The following PCDH9 variants were observed in gnomAD, a reference collection of about 807,000 sequenced individuals.
The protein encoded by PCDH9 is protocadherin 9, also known as protocadherin-9.
In PCDH9, 24 loss-of-function variants were observed where a neutral mutation model predicts 70.6. The ratio of observed to expected loss-of-function variants is 0.34; its 90% CI spans 0.25 to 0.48. The LOEUF (loss-of-function observed/expected upper bound fraction) is 0.48. Ranked by LOEUF, PCDH9 falls within the 20% of genes least tolerant of loss-of-function variation. The probability of loss-of-function intolerance (pLI) is 0.99; values close to 1 mark genes in which losing one functional copy is unlikely to be tolerated. For synonymous variants in PCDH9, 562 were observed against 558.5 expected, an observed-to-expected ratio of 1.01 and a Z score of -0.09; for missense variants, 1,281 against 1,503.6, an observed-to-expected ratio of 0.85 and a Z score of 2.45.
chr13:67,225,575 C>A lies in PCDH9; in HGVS notation c.2866G>T (p.Val956Phe). ...PAFHLKPDTP[V>F]SVKKHHVIQE... ...ATCACGTGGTGCTTTTTCACGGAAA[C>A]TGGAGTGTCTGGTTTGAGATGAAAA... is the stretch of plus-strand genomic sequence containing the variant. The change falls in exon 2 of 5, where the codon GTT becomes TTT. Residue 956 changes from valine to phenylalanine, a missense_variant. Coordinates refer to ENST00000377865, the MANE Select transcript of PCDH9 (RefSeq NM_203487.3). 1 of 1,614,132 alleles carries A rather than the reference C, an allele frequency of 6.2e-7. No individual in the cohort carries two copies. The highest frequency in any genetic ancestry group is 1.3e-5 in the African/African-American group (1 of 75,030).
At chr13:67,221,817 T>C (rs2089731451) in intron 2 of PCDH9, 1 of 152,058 alleles carries the variant, frequency 6.6e-6, no homozygotes, top group Admixed American at 6.6e-5. Flanking sequence ...CAGCTGTCAA[T>C]AAGTGGGCTG....
intron 3 of PCDH9, among the ~76,000 whole-genome samples, chr13:66,804,157 A>G (rs1230340073): frequency 6.6e-6 from 1 of 152,154 alleles, no homozygotes; most frequent in African/African-American, 2.4e-5. Context: ...TACACATCTA[A>G]TTCTCTCTTG....
intron 3 of PCDH9, among the ~76,000 whole-genome samples, chr13:66,832,262 TAG>T (rs1360002452): frequency 1.3e-5 from 2 of 152,134 alleles, no homozygotes; most frequent in South Asian, 4.2e-4. Context: ...TGACGTTTTA[TAG>T]AGTTGAATTT....
At chr13:66,887,949 T>A (rs1294258953) in intron 3 of PCDH9, among the ~76,000 whole-genome samples, 1 of 152,192 alleles carries the variant, frequency 6.6e-6, no homozygotes, top group African/African-American at 2.4e-5. Context: ...ATGATAAAGG[T>A]ACATTGTTAT....
intron 4 of PCDH9, among the ~76,000 whole-genome samples, chr13:66,356,195 A>G (rs977668953): frequency 1.2e-4 from 18 of 152,128 alleles, no homozygotes; most frequent in African/African-American, 4.3e-4. Context: ...TTGAAAATAC[A>G]ATATGTTTGA....
At chr13:66,834,147 T>C (rs1250046412) in intron 3 of PCDH9, among the ~76,000 whole-genome samples, 4 of 148,968 alleles carry the variant, frequency 2.7e-5, no homozygotes, top group Non-Finnish European at 5.9e-5. Context: ...TAATTTTATA[T>C]ACCTATGGTC....
intron 4 of PCDH9, among the ~76,000 whole-genome samples, chr13:66,578,479 G>A (rs2138770549): frequency 6.6e-6 from 1 of 152,134 alleles, no homozygotes; most frequent in East Asian, 1.9e-4. Context: ...GGTCCTGGAT[G>A]ATCATTCTAC....
chr13:66,809,309 C>G (rs2080462160), intron 3 of PCDH9, among the ~76,000 whole-genome samples: 1 of 152,036 alleles, frequency 6.6e-6, no homozygotes, highest in Non-Finnish European at 1.5e-5. Flanking sequence ...ACCGTGTATA[C>G]AATATATTGA....
At chr13:66,934,481 C>CA (rs1034518958) in intron 2 of PCDH9, among the ~76,000 whole-genome samples, 6 of 142,436 alleles carry the variant, frequency 4.2e-5, no homozygotes, top group African/African-American at 1.3e-4. Flanking sequence ...CCGGAGGTTG[C>CA]AGTGAGCCAA....
intron 4 of PCDH9, among the ~76,000 whole-genome samples, chr13:66,431,615 T>A (rs1005205981): frequency 2.0e-5 from 3 of 152,020 alleles, no homozygotes; most frequent in Admixed American, 6.6e-5. Flanking sequence ...CAGTATAACA[T>A]GAACATACAT....
At chr13:67,022,264 A>G (rs2084692638) in intron 2 of PCDH9, among the ~76,000 whole-genome samples, 1 of 151,474 alleles carries the variant, frequency 6.6e-6, no homozygotes, top group South Asian at 2.1e-4. Flanking sequence ...CTGCGGTTAC[A>G]GGTATGCACC....
At chr13:66,403,859 T>C (rs778415985) in intron 4 of PCDH9, among the ~76,000 whole-genome samples, 5 of 152,068 alleles carry the variant, frequency 3.3e-5, no homozygotes, top group Non-Finnish European at 5.9e-5. Flanking sequence ...AGCCCTTACT[T>C]TGAGAACTAA....
At chr13:66,722,554 C>T (rs1000629526) in intron 3 of PCDH9, among the ~76,000 whole-genome samples, 1 of 152,016 alleles carries the variant, frequency 6.6e-6, no homozygotes, top group Non-Finnish European at 1.5e-5. Context: ...GAGTTACTTC[C>T]CCTGAAATTC....
intron 2 of PCDH9, among the ~76,000 whole-genome samples, chr13:67,018,092 A>T (rs1001993708): frequency 6.6e-6 from 1 of 152,210 alleles, no homozygotes; most frequent in African/African-American, 2.4e-5. Context: ...TATTTTTCCC[A>T]TGTTACCATT....
chr13:67,191,012 C>A (rs2088895259), intron 2 of PCDH9, among the ~76,000 whole-genome samples: 1 of 152,036 alleles, frequency 6.6e-6, no homozygotes, highest in South Asian at 2.1e-4. Flanking sequence ...GTCTTGACCT[C>A]CATTCTATTC....
intron 2 of PCDH9, among the ~76,000 whole-genome samples, chr13:67,006,235 C>A (rs1403384686): frequency 3.9e-5 from 6 of 151,988 alleles, no homozygotes; most frequent in African/African-American, 7.3e-5. Flanking sequence ...TCAAAACAAA[C>A]AAACAAACAA....
At chr13:66,515,767 T>A (rs1473312086) in intron 4 of PCDH9, among the ~76,000 whole-genome samples, 2 of 152,024 alleles carry the variant, frequency 1.3e-5, no homozygotes, top group Non-Finnish European at 2.9e-5. Context: ...GTAGAAGAAT[T>A]GTAAACATGT....
chr13:66,825,054 A>C (rs1222263674), intron 3 of PCDH9: 2 of 151,968 alleles, frequency 1.3e-5, no homozygotes, highest in African/African-American at 4.8e-5. Flanking sequence ...GTTAACAGAA[A>C]TAGCATGTCA....
intron 2 of PCDH9, among the ~76,000 whole-genome samples, chr13:67,164,766 A>G (rs981903298): frequency 2.6e-5 from 4 of 151,950 alleles, no homozygotes; most frequent in African/African-American, 9.7e-5. Context: ...GCTTTGTTTC[A>G]GTGACATCAT....
Sources: gnomAD v4.1 joint callset for allele counts (sites outside exome capture counted in the v4.1 genomes callset) on GRCh38, gnomAD v4.1.1 for gene constraint, MANE v1.5 for transcripts, NCBI Gene and HGNC (gene_info 2026-07-23, HGNC 2026-07-21) for gene names.